Variants in COL19A1 observed in about 807,000 individuals in gnomAD.
The protein encoded by COL19A1 is collagen alpha-1(XIX) chain.
COL19A1 carries 159 observed loss-of-function variants against 190.2 expected under a neutral mutation model. The observed-to-expected ratio is 0.84, with a 90% CI of 0.73 to 0.95. COL19A1 has a LOEUF of 0.95. COL19A1 is among the 40% of genes least tolerant of loss of function. COL19A1 has a pLI of 0.00. For synonymous variants in COL19A1, 509 were observed against 458.9 expected, an observed-to-expected ratio of 1.11 and a Z score of -1.39; for missense variants, 1,418 against 1,431.9, an observed-to-expected ratio of 0.99 and a Z score of 0.16.
Position 70,188,245 on chromosome 6 carries a change from G to A in COL19A1, c.3027G>A (p.Pro1009=), listed in dbSNP as rs751488501. 2.4e-5 allele frequency: 38 copies of A among 1,606,638 alleles called. No individual in the cohort carries two copies. The highest frequency in any genetic ancestry group is 5.4e-5 in the African/African-American group (4 of 74,420). The change falls in exon 47 of 51, where the codon CCG becomes CCA. Residue 1009 remains proline, a splice_region_variant and synonymous_variant. Transcript: ENST00000620364. ...GCTCTCCAGGCATCCCTGGCATTCC[G>A]GTAAGTAGTGCTAAGACGCTTTAGG... ...PPGSPGIPGI[P]ADAVSFEEIK... is the part of the protein sequence containing the mutation.
At chr6:70,045,923 C>A (rs1004726298) in intron 14 of COL19A1, among the ~76,000 whole-genome samples, 1 of 152,116 alleles carries the variant, frequency 6.6e-6, no homozygotes, top group Non-Finnish European at 1.5e-5. Flanking sequence ...ATGTTGACTC[C>A]CCTCCAGTAT....
At chr6:70,076,593 T>C (rs1781896184) in intron 15 of COL19A1, among the ~76,000 whole-genome samples, 1 of 152,110 alleles carries the variant, frequency 6.6e-6, no homozygotes, top group Non-Finnish European at 1.5e-5. Flanking sequence ...AGAACTGCTC[T>C]TTTTTTCTCA....
At chr6:69,935,636 G>T (rs1165663274) in intron 7 of COL19A1, among the ~76,000 whole-genome samples, 1 of 151,940 alleles carries the variant, frequency 6.6e-6, no homozygotes, top group Admixed American at 6.6e-5. Context: ...TAAACTAGTT[G>T]CTGTATTTCT....
intron 18 of COL19A1, among the ~76,000 whole-genome samples, chr6:70,130,571 G>A (rs987810462): frequency 3.3e-5 from 5 of 152,180 alleles, no homozygotes; most frequent in South Asian, 2.1e-4. Flanking sequence ...TATTTTATAC[G>A]GACTTACACA....
chr6:70,207,364 C>CTTTT lies in COL19A1; in HGVS notation c.*110_*113dup, dbSNP rs36112821. 19 of 178,040 alleles carry CTTTT rather than the reference C, an allele frequency of 1.1e-4. No homozygotes were observed. Among genetic ancestry groups the CTTTT allele is most frequent in the South Asian group, 1.8e-4 (1 of 5,680 alleles). The allele number at this position is 178,040 out of a possible 1,614,324, so 11.0% of individuals were successfully genotyped here. A position where few individuals can be genotyped will look rare whatever the true frequency, so the allele number is the denominator to read the frequency against. On this transcript the variant is annotated 3_prime_UTR_variant, in exon 51 of 51. Coordinates refer to ENST00000620364, the MANE Select transcript of COL19A1 (RefSeq NM_001858.6). Reference sequence around the variant, plus strand: ...TCAAACCCTCATCATCTGTGGGTTGCTTTTTTTTTTTTTTTTTTTTTTTGG... The same window carrying CTTTT: ...TCAAACCCTCATCATCTGTGGGTTGCTTTTTTTTTTTTTTTTTTTTTTTTTTTGG...
At chr6:70,164,029 C>T (rs919661371) in intron 36 of COL19A1, among the ~76,000 whole-genome samples, 1 of 152,092 alleles carries the variant, frequency 6.6e-6, no homozygotes. Flanking sequence ...AAGGCCCCAC[C>T]TCCAAAAGCT....
chr6:69,869,088 G>C (rs1249804096), intron 1 of COL19A1, among the ~76,000 whole-genome samples: 1 of 151,878 alleles, frequency 6.6e-6, no homozygotes, highest in Non-Finnish European at 1.5e-5. Context: ...ATCTGAGGCA[G>C]GCCACATTGA....
chr6:70,065,058 A>G (rs1260724547), intron 14 of COL19A1, among the ~76,000 whole-genome samples: 2 of 152,202 alleles, frequency 1.3e-5, no homozygotes, highest in East Asian at 1.9e-4. Context: ...ATTCAATGCA[A>G]TCTCCATCAA....
At chr6:69,921,395 C>CATATATATCATATCAT (rs374740274) in intron 4 of COL19A1, among the ~76,000 whole-genome samples, 1 of 80,360 alleles carries the variant, frequency 1.2e-5, no homozygotes, top group African/African-American at 6.2e-5. Flanking sequence ...TCATATATAT[C>CATATATATCATATCAT]ATATATCATA....
chr6:69,952,016 T>G (rs528008708), intron 9 of COL19A1, among the ~76,000 whole-genome samples: 45 of 151,972 alleles, frequency 3.0e-4, no homozygotes, highest in Non-Finnish European at 5.0e-4. Context: ...GTTTAGTGAG[T>G]GAACTGCAGT....
At chr6:70,102,079 T>C (rs1783664514) in intron 15 of COL19A1, 90 bp from the exon 16 acceptor site, 1 of 1,047,792 alleles carries the variant, frequency 9.5e-7, no homozygotes, top group Admixed American at 1.8e-5. Flanking sequence ...TGTTCATTTT[T>C]ACTGTCTTCA....
chr6:69,977,458 A>G (rs1582583424), intron 11 of COL19A1, among the ~76,000 whole-genome samples: 1 of 151,852 alleles, frequency 6.6e-6, no homozygotes, highest in Non-Finnish European at 1.5e-5. Context: ...ATTAGGAGAT[A>G]TACCTGATGC....
chr6:70,151,814 A>G (rs1384625222), intron 31 of COL19A1, among the ~76,000 whole-genome samples: 2 of 152,072 alleles, frequency 1.3e-5, no homozygotes, highest in Non-Finnish European at 2.9e-5. Context: ...CTACTGTGAA[A>G]CCTAATCTTT....
In COL19A1 at chr6:70,163,356, G is replaced by A; in HGVS notation, c.2360G>A (p.Arg787Lys). ...GPTGPPGLMG[R>K]TGHPGPTGAK... Reference sequence around the variant, plus strand: ...TGTGTTTTACAGGGCTTAATGGGAAGAACTGGACATCCTGGTCCCACAGGA... The same window carrying A: ...TGTGTTTTACAGGGCTTAATGGGAAAAACTGGACATCCTGGTCCCACAGGA... Residue 787 changes from arginine to lysine, a missense_variant, in exon 36 of 51, where the codon AGA (arginine) becomes AAA (lysine). By Grantham distance (26) the Arg-to-Lys change is conservative. Transcript: ENST00000620364. 1 of 1,612,468 alleles carries A rather than the reference G, an allele frequency of 6.2e-7. No individual in the cohort carries two copies. Among genetic ancestry groups the A allele is most frequent in the Non-Finnish European group, 8.5e-7 (1 of 1,179,142 alleles).
intron 11 of COL19A1, among the ~76,000 whole-genome samples, chr6:69,984,074 G>T (rs1776187267): frequency 6.6e-6 from 1 of 151,824 alleles, no homozygotes; most frequent in African/African-American, 2.4e-5. Context: ...AAAGCCACAG[G>T]GTCTGAAGGT....
Position 70,151,514 on chromosome 6 carries a change from G to C in COL19A1, c.2079+76G>C, listed in dbSNP as rs907926795. ...GAAAGAAAAATATTTAGCAGAAATT[G>C]AGTCAATTGCTTAGCTGGAACTAAA... On this transcript the variant is annotated intron_variant, in intron 31 of 50. Coordinates refer to ENST00000620364, the MANE Select transcript of COL19A1 (RefSeq NM_001858.6). The C allele has an allele frequency of 2.1e-6, 3 of 1,418,332 alleles. No homozygotes were observed. The African/African-American group carries it at 4.3e-5, about 20-fold the overall frequency. The allele number at this position is 1,418,332 out of a possible 1,614,324, so 87.9% of individuals were successfully genotyped here.
intron 11 of COL19A1, among the ~76,000 whole-genome samples, chr6:69,986,262 C>CAT (rs1776313428): frequency 1.7e-4 from 25 of 145,390 alleles, no homozygotes; most frequent in Non-Finnish European, 2.4e-4. Flanking sequence ...TACACACACA[C>CAT]ATATATATAT....
intron 15 of COL19A1, among the ~76,000 whole-genome samples, chr6:70,088,639 T>G (rs750257463): frequency 1.3e-5 from 2 of 152,116 alleles, no homozygotes; most frequent in Non-Finnish European, 1.5e-5. Context: ...TACTATTCTC[T>G]TTTGTGGATC....
rs545124598 is a variant in COL19A1 at position 70,149,039 on chromosome 6, G to A, written c.1894-665G>A. 3.3e-5 allele frequency among the ~76,000 whole-genome samples: 5 copies of A among 152,170 alleles called. No individual in the cohort carries two copies. The East Asian group carries it at 9.7e-4, about 29-fold the overall frequency. On this transcript the variant is annotated intron_variant, in intron 27 of 50. Transcript: ENST00000620364. ...GGAAAAAGTAGCTTTGGCAAGAGCA[G>A]TGATATGAATATTTATTTATTTAAA... is the stretch of plus-strand genomic sequence containing the variant.
Sources: gnomAD v4.1 joint callset for allele counts (sites outside exome capture counted in the v4.1 genomes callset) on GRCh38, gnomAD v4.1.1 for gene constraint, MANE v1.5 for transcripts, NCBI Gene and HGNC (gene_info 2026-07-23, HGNC 2026-07-21) for gene names.